The following NRARP variants were observed in gnomAD, a reference collection of about 807,000 sequenced individuals.
The protein encoded by NRARP is NOTCH regulated ankyrin repeat protein.
For synonymous variants in NRARP, 81 were observed against 77.4 expected (o/e 1.05, Z -0.25); for missense variants, 83 against 161.1 (o/e 0.52, Z 2.62).
Position 137,302,102 on chromosome 9 carries a change from C to T in NRARP, c.-174G>A, listed in dbSNP as rs1414874104. The T allele has an allele frequency of 8.1e-5, 12 of 148,282 alleles. No individual in the cohort carries two copies. The highest frequency in any genetic ancestry group is 1.4e-4 in the Admixed American group (2 of 14,676). 9.2% of individuals were successfully genotyped at this position (148,282 alleles called of 1,614,324 possible). On this transcript the variant is annotated 5_prime_UTR_variant, in exon 1 of 1. Transcript: ENST00000356628. This position sits in a 1 kb window ranked among gnomAD's most constrained non-coding sequence, Gnocchi z 4.8. ...CGCTCGGGGCCGGGGGTCGCCGCCG[C>T]GGGGACCCCGCCGCATCCAGCCGCG...
rs1318033340 is a variant in NRARP, at chr9:137,301,936, C to G, written c.-8G>C. 3 of 1,328,902 alleles carry G rather than the reference C, an allele frequency of 2.3e-6. No homozygotes were observed. Among genetic ancestry groups the G allele is most frequent in the Non-Finnish European group, 2.9e-6 (3 of 1,032,044 alleles). 82.3% of individuals were successfully genotyped at this position (1,328,902 alleles called of 1,614,324 possible). The stretch of plus-strand genomic sequence containing the variant: ...CAGCTCGGCCTGGCTCATGCTGCCG[C>G]CGGGCGCGGGCCGCGGGCCGGGCCG... On this transcript the variant is annotated 5_prime_UTR_variant, in exon 1 of 1. Transcript: ENST00000356628. The surrounding 1 kb of genome is among the most constrained non-coding windows in gnomAD (Gnocchi z 9.1).
At position 137,302,073 on chromosome 9, in the gene NRARP, CGGGCGCTCG is replaced by C. The variant is rs1281576202; in HGVS notation, c.-154_-146del. On this transcript the variant is annotated 5_prime_UTR_variant, in exon 1 of 1. Coordinates refer to ENST00000356628, the MANE Select transcript of NRARP (RefSeq NM_001004354.3). The surrounding 1 kb of genome is among the most constrained non-coding windows in gnomAD (Gnocchi z 4.8). ...CCCCGCACGCCGCCTCTGGGCGCTC[CGGGCGCTCG>C]GGGCCGGGGGTCGCCGCCGCGGGGA... is the stretch of plus-strand genomic sequence containing the variant. The C allele has an allele frequency of 5.8e-6, 1 of 171,512 alleles. No homozygotes were observed. Among genetic ancestry groups the C allele is most frequent in the East Asian group, 2.0e-4 (1 of 5,078 alleles). 10.6% of individuals were successfully genotyped at this position (171,512 alleles called of 1,614,324 possible).
At position 137,301,949 on chromosome 9, in the gene NRARP, G is replaced by C; in HGVS notation, c.-21C>G. 1.6e-6 allele frequency: 2 copies of C among 1,249,904 alleles called. No homozygotes were observed. Among genetic ancestry groups the C allele is most frequent in the Non-Finnish European group, 2.0e-6 (2 of 984,922 alleles). The allele number at this position is 1,249,904 out of a possible 1,614,324, so 77.4% of individuals were successfully genotyped here. ...CTCATGCTGCCGCCGGGCGCGGGCC[G>C]CGGGCCGGGCCGGGGCTCAGCGCGG... On this transcript the variant is annotated 5_prime_UTR_variant, in exon 1 of 1. Transcript: ENST00000356628. This position sits in a 1 kb window ranked among gnomAD's most constrained non-coding sequence, Gnocchi z 9.1.
Position 137,301,488 on chromosome 9 carries a change from G to T in NRARP, c.*96C>A. The T allele has an allele frequency of 2.4e-6, 2 of 819,000 alleles. No homozygotes were observed. The highest frequency in any genetic ancestry group is 2.1e-5 in the South Asian group (1 of 48,628). 50.7% of individuals were successfully genotyped at this position (819,000 alleles called of 1,614,324 possible). On this transcript the variant is annotated 3_prime_UTR_variant, in exon 1 of 1. Transcript: ENST00000356628. This position sits in a 1 kb window ranked among gnomAD's most constrained non-coding sequence, Gnocchi z 9.1. ...TCGCCGTGGCCACGGGCCTTCTGGCGGGGCCTGCGAGCCGGGCGCGCACCG... is the reference window on the plus strand; with the variant it reads ...TCGCCGTGGCCACGGGCCTTCTGGCTGGGCCTGCGAGCCGGGCGCGCACCG...
In NRARP at chr9:137,299,723, G is replaced by T. The variant is rs1248961884; in HGVS notation, c.*1861C>A. 6.6e-6 allele frequency among the ~76,000 whole-genome samples: 1 copy of T among 152,088 alleles called. No individual in the cohort carries two copies. Among genetic ancestry groups the T allele is most frequent in the Non-Finnish European group, 1.5e-5 (1 of 68,018 alleles). ...GCTACAGGTCAATATCGTACACTCA[G>T]GAATGTGCTGCACAAACTTTATCCA... is the stretch of plus-strand genomic sequence containing the variant. On this transcript the variant is annotated 3_prime_UTR_variant, in exon 1 of 1. Transcript: ENST00000356628.
At position 137,300,095 on chromosome 9, in the gene NRARP, C is replaced by T. The variant is rs1367585876; in HGVS notation, c.*1489G>A. 6.6e-6 allele frequency among the ~76,000 whole-genome samples: 1 copy of T among 152,164 alleles called. No individual in the cohort carries two copies. Among genetic ancestry groups the T allele is most frequent in the East Asian group, 1.9e-4 (1 of 5,200 alleles). On this transcript the variant is annotated 3_prime_UTR_variant, in exon 1 of 1. Coordinates refer to ENST00000356628, the MANE Select transcript of NRARP (RefSeq NM_001004354.3). ...AAACCTCATTTAAATTTGAATAATTCAGCCTCCCTTTTATTTCTCAGGATC... is the reference window on the plus strand; with the variant it reads ...AAACCTCATTTAAATTTGAATAATTTAGCCTCCCTTTTATTTCTCAGGATC...
In NRARP at chr9:137,299,960, C is replaced by T. The variant is rs116113799; in HGVS notation, c.*1624G>A. 2.0e-5 allele frequency among the ~76,000 whole-genome samples: 3 copies of T among 152,266 alleles called. No homozygotes were observed. Among genetic ancestry groups the T allele is most frequent in the South Asian group, 2.1e-4 (1 of 4,824 alleles). On this transcript the variant is annotated 3_prime_UTR_variant, in exon 1 of 1. Transcript: ENST00000356628. Reference sequence around the variant, plus strand: ...TCACACAAAGTTTTATAAAAAGCGACGGAGGGCTGCCCGAATACGACCAGC... The same window carrying T: ...TCACACAAAGTTTTATAAAAAGCGATGGAGGGCTGCCCGAATACGACCAGC...
In NRARP at chr9:137,301,943, C is replaced by G. The variant is rs770465367; in HGVS notation, c.-15G>C. Reference sequence around the variant, plus strand: ...GCCTGGCTCATGCTGCCGCCGGGCGCGGGCCGCGGGCCGGGCCGGGGCTCA... The same window carrying G: ...GCCTGGCTCATGCTGCCGCCGGGCGGGGGCCGCGGGCCGGGCCGGGGCTCA... On this transcript the variant is annotated 5_prime_UTR_variant, in exon 1 of 1. Transcript: ENST00000356628. This position sits in a 1 kb window ranked among gnomAD's most constrained non-coding sequence, Gnocchi z 9.1. The G allele has an allele frequency of 3.9e-5, 50 of 1,272,600 alleles. No individual in the cohort carries two copies. Among genetic ancestry groups the G allele is most frequent in the Admixed American group, 1.3e-4 (4 of 30,926 alleles). 78.8% of individuals were successfully genotyped at this position (1,272,600 alleles called of 1,614,324 possible).
chr9:137,301,206 G>C lies in NRARP; in HGVS notation c.*378C>G, dbSNP rs867173923. The C allele has an allele frequency of 6.6e-6, 1 of 152,022 alleles. No homozygotes were observed. The highest frequency in any genetic ancestry group is 6.5e-5 in the Admixed American group (1 of 15,278). 9.4% of individuals were successfully genotyped at this position (152,022 alleles called of 1,614,324 possible). A position where few individuals can be genotyped will look rare whatever the true frequency, so the allele number is the denominator to read the frequency against. ...TCCGAGTCCGCCTTCGGCTCCCGCC[G>C]CCCGCCTTTCACCTTCGGGAGAAAA... On this transcript the variant is annotated 3_prime_UTR_variant, in exon 1 of 1. Coordinates refer to ENST00000356628, the MANE Select transcript of NRARP (RefSeq NM_001004354.3). The surrounding 1 kb of genome is among the most constrained non-coding windows in gnomAD (Gnocchi z 9.1).
At position 137,301,299 on chromosome 9, in the gene NRARP, A is replaced by AG. The variant is rs1830951713; in HGVS notation, c.*284dup. 6.4e-6 allele frequency: 1 copy of AG among 155,426 alleles called. No individual in the cohort carries two copies. The highest frequency in any genetic ancestry group is 1.4e-5 in the Non-Finnish European group (1 of 70,334). The allele number at this position is 155,426 out of a possible 1,614,324, so 9.6% of individuals were successfully genotyped here. On this transcript the variant is annotated 3_prime_UTR_variant, in exon 1 of 1. Coordinates refer to ENST00000356628, the MANE Select transcript of NRARP (RefSeq NM_001004354.3). This position sits in a 1 kb window ranked among gnomAD's most constrained non-coding sequence, Gnocchi z 9.1. ...CTGGTTGCGAGACTCAAATTTCAAA[A>AG]GGGGCTGGAGCCCGCGCCCCGCCCC...
Position 137,300,571 on chromosome 9 carries a change from A to G in NRARP, c.*1013T>C, listed in dbSNP as rs560059979. ...TTTTTTAAAAAAGTGTGCAACCGTT[A>G]ACTATGATAGAACGCACTAGAAAAG... On this transcript the variant is annotated 3_prime_UTR_variant, in exon 1 of 1. Coordinates refer to ENST00000356628, the MANE Select transcript of NRARP (RefSeq NM_001004354.3). The G allele has an allele frequency of 6.6e-6, 1 of 152,532 alleles. No homozygotes were observed. Among genetic ancestry groups the G allele is most frequent in the East Asian group, 1.9e-4 (1 of 5,190 alleles). 9.4% of individuals were successfully genotyped at this position (152,532 alleles called of 1,614,324 possible).
chr9:137,301,641 G>A lies in NRARP; in HGVS notation c.288C>T (p.His96=). 3 of 1,610,456 alleles carry A rather than the reference G, an allele frequency of 1.9e-6. No homozygotes were observed. The highest frequency in any genetic ancestry group is 2.5e-6 in the Non-Finnish European group (3 of 1,178,650). The change falls in exon 1 of 1, where the codon CAC becomes CAT. Residue 96 remains histidine, a synonymous_variant. Transcript: ENST00000356628. The surrounding 1 kb of genome is among the most constrained non-coding windows in gnomAD (Gnocchi z 9.1). ...SALHIAAFGG[H]QDIVLYLITK... is the part of the protein sequence containing the mutation. ...TGATGAGATAGAGCACGATGTCCTG[G>A]TGGCCACCGAACGCGGCGATGTGCA...
In NRARP at chr9:137,301,897, G is replaced by T; in HGVS notation, c.32C>A (p.Ala11Glu). Residue 11 changes from alanine (A) to glutamate (E), a missense_variant, in exon 1 of 1, where the codon GCG (alanine) becomes GAG (glutamate). By Grantham distance (107) the Ala-to-Glu change is moderately radical. Coordinates refer to ENST00000356628, the MANE Select transcript of NRARP (RefSeq NM_001004354.3). This position sits in a 1 kb window ranked among gnomAD's most constrained non-coding sequence, Gnocchi z 9.1. MSQAELSTCSAPQTQRIFQEA... is the reference protein window; with the variant it reads MSQAELSTCSEPQTQRIFQEA... Reference sequence around the variant, plus strand: ...CTGGAAGATGCGCTGCGTCTGCGGCGCGGAGCAGGTGGACAGCTCGGCCTG... The same window carrying T: ...CTGGAAGATGCGCTGCGTCTGCGGCTCGGAGCAGGTGGACAGCTCGGCCTG... 3 of 1,566,628 alleles carry T rather than the reference G, an allele frequency of 1.9e-6. No homozygotes were observed. The highest frequency in any genetic ancestry group is 1.4e-5 in the African/African-American group (1 of 73,200).
At position 137,301,512 on chromosome 9, in the gene NRARP, C is replaced by T. The variant is rs1588202419; in HGVS notation, c.*72G>A. ...CGGGGCCTGCGAGCCGGGCGCGCACCGAGGTAGTTGGCGGGAAGGTACAGC... is the reference window on the plus strand; with the variant it reads ...CGGGGCCTGCGAGCCGGGCGCGCACTGAGGTAGTTGGCGGGAAGGTACAGC... On this transcript the variant is annotated 3_prime_UTR_variant, in exon 1 of 1. Coordinates refer to ENST00000356628, the MANE Select transcript of NRARP (RefSeq NM_001004354.3). The surrounding 1 kb of genome is among the most constrained non-coding windows in gnomAD (Gnocchi z 9.1). The T allele has an allele frequency of 3.8e-6, 4 of 1,059,632 alleles. No homozygotes were observed. Among genetic ancestry groups the T allele is most frequent in the South Asian group, 3.4e-5 (2 of 58,054 alleles). 65.6% of individuals were successfully genotyped at this position (1,059,632 alleles called of 1,614,324 possible).
rs556187063 is a variant in NRARP, at chr9:137,301,243, G to C, written c.*341C>G. The C allele has an allele frequency of 6.6e-6, 1 of 152,378 alleles. No individual in the cohort carries two copies. Among genetic ancestry groups the C allele is most frequent in the East Asian group, 1.9e-4 (1 of 5,180 alleles). The allele number at this position is 152,378 out of a possible 1,614,324, so 9.4% of individuals were successfully genotyped here. On this transcript the variant is annotated 3_prime_UTR_variant, in exon 1 of 1. Transcript: ENST00000356628. This position sits in a 1 kb window ranked among gnomAD's most constrained non-coding sequence, Gnocchi z 9.1. The stretch of plus-strand genomic sequence containing the variant: ...CCTTCGGGAGAAAACATTTTGCGCA[G>C]AGGATCCGGTATCTCGGGATTCCGA...
At position 137,300,068 on chromosome 9, in the gene NRARP, G is replaced by A. The variant is rs1294558739; in HGVS notation, c.*1516C>T. 6.6e-6 allele frequency among the ~76,000 whole-genome samples: 1 copy of A among 152,150 alleles called. No homozygotes were observed. Among genetic ancestry groups the A allele is most frequent in the Non-Finnish European group, 1.5e-5 (1 of 68,044 alleles). The stretch of plus-strand genomic sequence containing the variant: ...AGGGTCAGCAGCACTTCCATGAAGG[G>A]GAAACCTCATTTAAATTTGAATAAT... On this transcript the variant is annotated 3_prime_UTR_variant, in exon 1 of 1. Transcript: ENST00000356628.
chr9:137,301,955 C>G lies in NRARP; in HGVS notation c.-27G>C, dbSNP rs1462531288. ...CTGCCGCCGGGCGCGGGCCGCGGGC[C>G]GGGCCGGGGCTCAGCGCGGGCGGCG... is the stretch of plus-strand genomic sequence containing the variant. On this transcript the variant is annotated 5_prime_UTR_variant, in exon 1 of 1. Transcript: ENST00000356628. This position sits in a 1 kb window ranked among gnomAD's most constrained non-coding sequence, Gnocchi z 9.1. The G allele has an allele frequency of 1.7e-6, 2 of 1,153,696 alleles. No homozygotes were observed. The highest frequency in any genetic ancestry group is 2.1e-6 in the Non-Finnish European group (2 of 930,556). The allele number at this position is 1,153,696 out of a possible 1,614,324, so 71.5% of individuals were successfully genotyped here.
In NRARP at chr9:137,299,883, T is replaced by C. The variant is rs1830930653; in HGVS notation, c.*1701A>G. Among the ~76,000 whole-genome samples, 1 of 152,210 alleles carries C rather than the reference T, an allele frequency of 6.6e-6. No homozygotes were observed. The highest frequency in any genetic ancestry group is 1.5e-5 in the Non-Finnish European group (1 of 68,038). ...GAAGAACTCCTTGTGGAGTAATCTG[T>C]GCCTCCATTTCAATGTCTGCTTGTT... On this transcript the variant is annotated 3_prime_UTR_variant, in exon 1 of 1. Transcript: ENST00000356628.
Position 137,301,534 on chromosome 9 carries a change from C to T in NRARP, c.*50G>A, listed in dbSNP as rs1460853889. On this transcript the variant is annotated 3_prime_UTR_variant, in exon 1 of 1. Transcript: ENST00000356628. This position sits in a 1 kb window ranked among gnomAD's most constrained non-coding sequence, Gnocchi z 9.1. The stretch of plus-strand genomic sequence containing the variant: ...CACCGAGGTAGTTGGCGGGAAGGTA[C>T]AGCAGAGACGACGCGGGCGCAGGGC... 9.7e-6 allele frequency: 13 copies of T among 1,340,184 alleles called. No homozygotes were observed. The highest frequency in any genetic ancestry group is 1.2e-5 in the Non-Finnish European group (12 of 975,118). 83.0% of individuals were successfully genotyped at this position (1,340,184 alleles called of 1,614,324 possible).
Sources: gnomAD v4.1 joint callset for allele counts (sites outside exome capture counted in the v4.1 genomes callset) on GRCh38, gnomAD v4.1.1 for gene constraint, Gnocchi (gnomAD v3.1) non-coding constraint, MANE v1.5 for transcripts, NCBI Gene and HGNC (gene_info 2026-07-23, HGNC 2026-07-21) for gene names.